The following PLCD4 variants were observed in gnomAD, a reference collection of about 807,000 sequenced individuals.
PLCD4 encodes phospholipase C delta 4, also known as 1-phosphatidylinositol 4,5-bisphosphate phosphodiesterase delta-4.
In PLCD4, 63 loss-of-function variants were observed where a neutral mutation model predicts 90.2. The observed-to-expected ratio is 0.70, with a 90% CI of 0.57 to 0.86. The LOEUF is 0.86. Among genes scored for constraint, PLCD4 ranks in the 40% least tolerant of loss-of-function variants. PLCD4 has a pLI of 0.00. For synonymous variants in PLCD4, 294 were observed against 356.5 expected (o/e 0.82, Z 1.97); for missense variants, 830 against 956.3 (o/e 0.87, Z 1.74).
intron 14 of PLCD4, 58 bp from the exon 15 acceptor site, chr2:218,636,185 A>C (rs1696733171): frequency 6.4e-7 from 1 of 1,562,400 alleles, no homozygotes; most frequent in Admixed American, 1.7e-5. Flanking sequence ...CAAGAAAAGC[A>C]ACCCAGTCAA....
In PLCD4 at chr2:218,622,566, T is replaced by TA. The variant is rs1695932020; in HGVS notation, c.541-81_541-80insA. 8.8e-6 allele frequency: 9 copies of TA among 1,021,060 alleles called. No individual in the cohort carries two copies. In the African/African-American group the frequency reaches 1.5e-4, roughly 17 times the overall value. The allele number at this position is 1,021,060 out of a possible 1,614,324, so 63.3% of individuals were successfully genotyped here. ...ACACCTACTATGTACCCAGAAAAAT[T>TA]TAAAAAAAAATTTTTTTAATTAAAA... On this transcript the variant is annotated intron_variant, in intron 5 of 15. Coordinates refer to ENST00000450993, the MANE Select transcript of PLCD4 (RefSeq NM_032726.4).
intron 3 of PLCD4, among the ~76,000 whole-genome samples, 182 bp from the exon 4 acceptor site, chr2:218,618,397 T>A (rs1419651704): frequency 1.3e-5 from 2 of 152,230 alleles, no homozygotes; most frequent in African/African-American, 4.8e-5. Context: ...GTGATTCATG[T>A]GGACTCCTGA....
Position 218,633,753 on chromosome 2 carries a change from A to G in PLCD4, c.1598A>G (p.Lys533Arg). 2.5e-6 allele frequency: 4 copies of G among 1,613,888 alleles called. No individual in the cohort carries two copies. The South Asian group carries it at 4.4e-5, about 18-fold the overall frequency. ...FSETKAKRLI[K>R]EAGNEFVQHN... is the part of the protein sequence containing the mutation. ...GAAACCAAGGCCAAGCGCCTCATCA[A>G]GGAGGCTGGTCAGGACCAAAATGGA... is the stretch of plus-strand genomic sequence containing the variant. Residue 533 changes from lysine (K) to arginine (R), a missense_variant, in exon 11 of 16, where the codon AAG becomes AGG. Coordinates refer to ENST00000450993, the MANE Select transcript of PLCD4 (RefSeq NM_032726.4).
chr2:218,636,422 T>C, intron 15 of PLCD4, 30 bp downstream of exon 15: 1 of 1,613,994 alleles, frequency 6.2e-7, no homozygotes, highest in Non-Finnish European at 8.5e-7. Context: ...CCCTGGCCAA[T>C]ACCCCAGCTC....
intron 5 of PLCD4, chr2:218,622,403 A>G: frequency 3.0e-6 from 1 of 331,344 alleles, no homozygotes; most frequent in South Asian, 1.1e-4. Context: ...AGTTTTATGG[A>G]AGCATGTTTG....
intron 3 of PLCD4, among the ~76,000 whole-genome samples, chr2:218,617,431 GC>G (rs1353273876): frequency 6.6e-6 from 1 of 151,346 alleles, no homozygotes; most frequent in African/African-American, 2.4e-5. Context: ...ACAAAAATTA[GC>G]CGGGCTTGGT....
chr2:218,621,982 A>G (rs1695900701), intron 5 of PLCD4, among the ~76,000 whole-genome samples: 1 of 148,598 alleles, frequency 6.7e-6, no homozygotes, highest in Non-Finnish European at 1.5e-5. Context: ...AGGTAGGCTG[A>G]GGCAGGAGAA....
At chr2:218,615,142 C>T (rs555890583) in intron 1 of PLCD4, among the ~76,000 whole-genome samples, 17 of 152,206 alleles carry the variant, frequency 1.1e-4, no homozygotes, top group South Asian at 2.1e-4. Flanking sequence ...GCAGGAGAAT[C>T]GCTTGAACTG....
chr2:218,628,634 C>T (rs1434861468), intron 7 of PLCD4: 1 of 175,218 alleles, frequency 5.7e-6, no homozygotes, highest in Non-Finnish European at 1.2e-5. Context: ...ATACCTCAGT[C>T]TCCCCATCTG....
At chr2:218,616,430 G>T (rs1383926178) in intron 3 of PLCD4, among the ~76,000 whole-genome samples, 2 of 152,130 alleles carry the variant, frequency 1.3e-5, no homozygotes, top group Non-Finnish European at 2.9e-5. Flanking sequence ...TTAAGCTATG[G>T]CTGGGCATGG....
intron 1 of PLCD4, 94 bp downstream of exon 1, chr2:218,608,164 A>G (rs1406535823): frequency 6.6e-6 from 1 of 152,520 alleles, no homozygotes; most frequent in Non-Finnish European, 1.5e-5. Flanking sequence ...CACCCTGATT[A>G]AATTGTACCC....
chr2:218,613,166 G>T (rs1311322909), intron 1 of PLCD4, among the ~76,000 whole-genome samples: 1 of 152,062 alleles, frequency 6.6e-6, no homozygotes, highest in South Asian at 2.1e-4. Flanking sequence ...CGAGGCGGGT[G>T]GATCACCTGA....
At chr2:218,613,392 CA>C (rs36096465) in intron 1 of PLCD4, among the ~76,000 whole-genome samples, 5,637 of 76,770 alleles carry the variant, frequency 0.073, 171 homozygotes, top group African/African-American at 0.2. Flanking sequence ...AGTCTGTCTC[CA>C]AAAAAAAAAA....
intron 1 of PLCD4, among the ~76,000 whole-genome samples, chr2:218,608,661 C>CGA (rs989733973): frequency 6.6e-6 from 1 of 152,110 alleles, no homozygotes; most frequent in Non-Finnish European, 1.5e-5. Flanking sequence ...ATCTGTGATA[C>CGA]GAGAGAGTTT....
Position 218,635,806 on chromosome 2 carries a change from G to A in PLCD4, c.1907G>A (p.Gly636Asp). 1 of 1,612,790 alleles carries A rather than the reference G, an allele frequency of 6.2e-7. No homozygotes were observed. The highest frequency in any genetic ancestry group is 8.5e-7 in the Non-Finnish European group (1 of 1,179,402). ...AQTLLIQVIS[G>D]QQLPKVDKTK... ...GAGCCCTGACTACAGGTGATCAGCG[G>A]TCAGCAACTCCCCAAAGTGGACAAG... is the stretch of plus-strand genomic sequence containing the variant. The change falls in exon 14 of 16, where the codon GGT (glycine) becomes GAT (aspartate). Residue 636 changes from glycine to aspartate, a missense_variant. Transcript: ENST00000450993.
At position 218,619,270 on chromosome 2, in the gene PLCD4, T is replaced by C. The variant is rs1247656001; in HGVS notation, c.410+463T>C. On this transcript the variant is annotated intron_variant, in intron 4 of 15. Coordinates refer to ENST00000450993, the MANE Select transcript of PLCD4 (RefSeq NM_032726.4). ...CTATGCCAGACTATAGGGGTACATA[T>C]ATATATATATATATATATATGTTTT... Among the ~76,000 whole-genome samples, 11 of 14,288 alleles carry C rather than the reference T, an allele frequency of 7.7e-4. No homozygotes were observed. In the Non-Finnish European group the frequency reaches 0.14, roughly 180 times the overall value. 9.4% of individuals were successfully genotyped at this position (14,288 alleles called of 152,430 possible).
intron 6 of PLCD4, 79 bp from the exon 7 acceptor site, chr2:218,627,950 G>A: frequency 1.5e-6 from 2 of 1,328,900 alleles, no homozygotes; most frequent in Non-Finnish European, 2.1e-6. Context: ...GATGGAGTGG[G>A]AGGAAGGATG....
chr2:218,633,370 C>T (rs1696499367), intron 10 of PLCD4: 5 of 704,612 alleles, frequency 7.1e-6, no homozygotes, highest in South Asian at 1.5e-5. Flanking sequence ...GCCTTTATTC[C>T]CATTCCCACC....
chr2:218,632,847 A>G (rs1052791478), intron 10 of PLCD4, among the ~76,000 whole-genome samples: 2 of 152,148 alleles, frequency 1.3e-5, no homozygotes, highest in African/African-American at 4.8e-5. Context: ...GAAGGAGAGC[A>G]TTTTGAGGTG....
Sources: allele counts gnomAD v4.1 joint callset (sites outside exome capture counted in the v4.1 genomes callset), GRCh38; gene constraint gnomAD v4.1.1; transcripts MANE v1.5; gene names NCBI Gene and HGNC (gene_info 2026-07-23, HGNC 2026-07-21).